The following NSD2 variants were observed in gnomAD, a reference collection of about 807,000 sequenced individuals.
The protein encoded by NSD2 is histone-lysine N-methyltransferase NSD2.
NSD2 carries 12 observed loss-of-function variants against 139.0 expected under a neutral mutation model. The ratio of observed to expected loss-of-function variants is 0.09; its 90% CI spans 0.06 to 0.14. The LOEUF (loss-of-function observed/expected upper bound fraction) is 0.14. NSD2 is among the 10% of genes least tolerant of loss of function. The pLI is 1.00. For synonymous variants in NSD2, 669 were observed against 648.7 expected (o/e 1.03, Z -0.48); for missense variants, 1,155 against 1,745.0 (o/e 0.66, Z 6.02).
chr4:1,950,268 T>A (rs1318152431), intron 9 of NSD2, among the ~76,000 whole-genome samples: 1 of 152,198 alleles, frequency 6.6e-6, no homozygotes, highest in African/African-American at 2.4e-5. Context: ...CTTCAGTGAT[T>A]TCTATTAAAT....
In NSD2 at chr4:1,951,158, A is replaced by G; in HGVS notation, c.1968A>G (p.Lys656=). Residue 656 remains lysine, a synonymous_variant, in exon 10 of 22, where the codon AAA becomes AAG. Coordinates refer to ENST00000508803, the MANE Select transcript of NSD2 (RefSeq NM_001042424.3). The part of the protein sequence containing the change: ...ETQTEVSVSS[K]KSERGVTAKK... Reference sequence around the variant, plus strand: ...AAACTGAAGTATCTGTCTCATCCAAAAAGTCTGAGCGAGGAGTGACTGCCA... The same window carrying G: ...AAACTGAAGTATCTGTCTCATCCAAGAAGTCTGAGCGAGGAGTGACTGCCA... The G allele has an allele frequency of 1.2e-6, 2 of 1,614,210 alleles. No homozygotes were observed. The highest frequency in any genetic ancestry group is 1.7e-6 in the Non-Finnish European group (2 of 1,180,032).
chr4:1,934,866 AAAAAAAAAAAAAATATATAT>A (rs1167412291), intron 6 of NSD2, among the ~76,000 whole-genome samples: 1 of 95,122 alleles, frequency 1.1e-5, no homozygotes, highest in African/African-American at 4.5e-5. Context: ...AAAAAAAAAA[AAAAAAAAAAAAAATATATAT>A]ATATATATAT....
chr4:1,943,374 A>G, intron 9 of NSD2: 1 of 1,043,118 alleles, frequency 9.6e-7, no homozygotes, highest in East Asian at 5.7e-5. Flanking sequence ...GTGCCTGGCC[A>G]GGACTCCGTG....
chr4:1,924,575 T>C (rs986634733), intron 5 of NSD2, among the ~76,000 whole-genome samples: 16 of 152,140 alleles, frequency 1.1e-4, no homozygotes, highest in African/African-American at 3.4e-4. Context: ...ATTGGCACTA[T>C]ACTAAAAGTA....
chr4:1,891,985 T>C lies in NSD2; in HGVS notation c.-29-8641T>C, dbSNP rs529079289. Among the ~76,000 whole-genome samples the C allele has an allele frequency of 3.9e-5, 6 of 152,192 alleles. No homozygotes were observed. The East Asian group carries it at 1.2e-3, about 29-fold the overall frequency. The stretch of plus-strand genomic sequence containing the variant: ...GTCTTCCTGCCTCCCCATTGCCCTC[T>C]ATGCTTTCTCTTTTCCTAGCATATC... On this transcript the variant is annotated intron_variant, in intron 1 of 21. Coordinates refer to ENST00000508803, the MANE Select transcript of NSD2 (RefSeq NM_001042424.3).
At chr4:1,917,229 T>G (rs1719513224) in intron 4 of NSD2, among the ~76,000 whole-genome samples, 192 bp downstream of exon 4, 1 of 152,200 alleles carries the variant, frequency 6.6e-6, no homozygotes, top group African/African-American at 2.4e-5. Flanking sequence ...ACAACTGATT[T>G]TTTTTTGCTC....
intron 7 of NSD2, 23 bp from the exon 8 acceptor site, chr4:1,938,428 T>TC: frequency 8.4e-7 from 1 of 1,192,594 alleles, no homozygotes; most frequent in African/African-American, 1.7e-5. Flanking sequence ...TTTTTTTTTT[T>TC]TTTTTTTTTT....
In NSD2 at chr4:1,952,108, C is replaced by G. The variant is rs1448727938; in HGVS notation, c.2014C>G (p.Leu672Val). The change falls in exon 11 of 22, where the codon CTG (leucine) becomes GTG (valine). Residue 672 changes from leucine to valine, a missense_variant and splice_region_variant. Physicochemically the swap from Leu to Val is conservative, Grantham distance 32. This residue lies in a region of NSD2 where 120 missense variants were observed against 239.3 expected (regional missense o/e 0.50). Coordinates refer to ENST00000508803, the MANE Select transcript of NSD2 (RefSeq NM_001042424.3). Reference sequence around the variant, plus strand: ...TTACCCGCCTGCTCTGCCCCCGCAGCTGTGTGAGAAGCCGGGCAGCCTCCT... The same window carrying G: ...TTACCCGCCTGCTCTGCCCCCGCAGGTGTGTGAGAAGCCGGGCAGCCTCCT... ...VTAKKEYVCQ[L>V]CEKPGSLLLC... 1.2e-6 allele frequency: 2 copies of G among 1,613,776 alleles called. No homozygotes were observed. Among genetic ancestry groups the G allele is most frequent in the African/African-American group, 2.7e-5 (2 of 74,936 alleles).
intron 5 of NSD2, among the ~76,000 whole-genome samples, chr4:1,925,832 T>C (rs947940801): frequency 6.6e-6 from 1 of 151,922 alleles, no homozygotes; most frequent in Non-Finnish European, 1.5e-5. Context: ...GACAGGGTCT[T>C]ACTCTGTCGC....
intron 17 of NSD2, among the ~76,000 whole-genome samples, chr4:1,960,216 A>G (rs1725231838): frequency 6.6e-6 from 1 of 152,218 alleles, no homozygotes; most frequent in Admixed American, 6.5e-5. Flanking sequence ...GTTACATGAA[A>G]GGTATCTGCT....
intron 1 of NSD2, among the ~76,000 whole-genome samples, chr4:1,872,874 C>A (rs1407661722): frequency 6.6e-6 from 1 of 152,100 alleles, no homozygotes; most frequent in Non-Finnish European, 1.5e-5. Flanking sequence ...TTTTAATTTT[C>A]CCAAAATGTT....
rs1725019879 is a variant in NSD2 at position 1,958,168 on chromosome 4, G to A, written c.2985+132G>A. On this transcript the variant is annotated intron_variant, in intron 16 of 21. Coordinates refer to ENST00000508803, the MANE Select transcript of NSD2 (RefSeq NM_001042424.3). The surrounding 1 kb of genome is among the most constrained non-coding windows in gnomAD (Gnocchi z 4.6). ...GCCAGGATCTGTGGTGCCTGGCATG[G>A]ATGGCCACACAAGAGACCATGAGCA... 10 of 863,346 alleles carry A rather than the reference G, an allele frequency of 1.2e-5. No homozygotes were observed. The highest frequency in any genetic ancestry group is 7.3e-4 in the Middle Eastern group (2 of 2,740). 53.5% of individuals were successfully genotyped at this position (863,346 alleles called of 1,614,324 possible). A position where few individuals can be genotyped will look rare whatever the true frequency, so the allele number is the denominator to read the frequency against.
At chr4:1,953,098 A>C in intron 11 of NSD2, 4 of 1,507,628 alleles carry the variant, frequency 2.7e-6, no homozygotes, top group Non-Finnish European at 3.5e-6. Flanking sequence ...ATTCTCCTGT[A>C]TTTCAGGTGA....
rs115893772 is a variant in NSD2 at position 1,979,583 on chromosome 4, A to G, written c.*674A>G. ...CCTCATGGATTTGAATGAAATGCCA[A>G]TAACACGTCCACTTTCAACGTGTAG... On this transcript the variant is annotated 3_prime_UTR_variant, in exon 22 of 22. Coordinates refer to ENST00000508803, the MANE Select transcript of NSD2 (RefSeq NM_001042424.3). 3.0e-3 allele frequency: 690 copies of G among 233,002 alleles called. 3 individuals carry two copies. Among genetic ancestry groups the G allele is most frequent in the Non-Finnish European group, 4.7e-3 (556 of 117,858 alleles). 14.4% of individuals were successfully genotyped at this position (233,002 alleles called of 1,614,324 possible). A position where few individuals can be genotyped will look rare whatever the true frequency, so the allele number is the denominator to read the frequency against.
chr4:1,893,286 A>G (rs1715768576), intron 1 of NSD2, among the ~76,000 whole-genome samples: 1 of 152,044 alleles, frequency 6.6e-6, no homozygotes, highest in African/African-American at 2.4e-5. Context: ...TGGCCAACAT[A>G]GTGAAACCCC....
rs1448711307 is a variant in NSD2, at chr4:1,918,073, C to A, written c.928-68C>A. On this transcript the variant is annotated intron_variant, in intron 4 of 21. Transcript: ENST00000508803. ...TGGAATTATAGGCATGAATCATGTG[C>A]CTAGGAAAAGTAGTTAACTTTTATG... The A allele has an allele frequency of 3.9e-6, 6 of 1,537,612 alleles. No individual in the cohort carries two copies. In the African/African-American group the frequency reaches 5.5e-5, roughly 14 times the overall value.
chr4:1,977,465 C>T (rs1727214380), intron 21 of NSD2, among the ~76,000 whole-genome samples: 1 of 152,084 alleles, frequency 6.6e-6, no homozygotes, highest in African/African-American at 2.4e-5. Context: ...AATTAAATGG[C>T]CCTTACCCAA....
At chr4:1,914,844 C>G (rs576631190) in intron 3 of NSD2, among the ~76,000 whole-genome samples, 1 of 152,152 alleles carries the variant, frequency 6.6e-6, no homozygotes, top group Non-Finnish European at 1.5e-5. Flanking sequence ...TTTCACCCAA[C>G]CCCCAGCAGC....
intron 9 of NSD2, 196 bp downstream of exon 9, chr4:1,939,974 A>G (rs912896536): frequency 2.1e-6 from 3 of 1,434,904 alleles, no homozygotes; most frequent in African/African-American, 2.9e-5. Context: ...TTATTTGAGC[A>G]CTTTTTATAC....
Sources: allele counts gnomAD v4.1 joint callset (sites outside exome capture counted in the v4.1 genomes callset), GRCh38; gene constraint gnomAD v4.1.1; regional missense constraint gnomAD v4.1.1; non-coding constraint Gnocchi (gnomAD v3.1); transcripts MANE v1.5; gene names NCBI Gene and HGNC (gene_info 2026-07-23, HGNC 2026-07-21).